Variants in RABGEF1 observed in about 807,000 individuals in gnomAD.
RABGEF1 encodes rab5 GDP/GTP exchange factor.
Under a neutral mutation model 57.3 loss-of-function variants are expected in RABGEF1, and 26 were observed. The observed-to-expected ratio is 0.45, with a 90% CI of 0.33 to 0.63. The LOEUF is 0.63. Ranked by LOEUF, RABGEF1 falls within the 20% of genes least tolerant of loss-of-function variation. The pLI, the probability that RABGEF1 is intolerant of heterozygous loss-of-function variation, is 0.02. For missense variants in RABGEF1, 464 were observed against 607.6 expected, an observed-to-expected ratio of 0.76 and a Z score of 2.48; for synonymous variants, 185 against 210.7, an observed-to-expected ratio of 0.88 and a Z score of 1.06.
chr7:66,769,472 T>G (rs557859162), intron 1 of RABGEF1, among the ~76,000 whole-genome samples: 4 of 152,338 alleles, frequency 2.6e-5, no homozygotes, highest in Admixed American at 1.3e-4. Context: ...TTAGTTAGGC[T>G]TCCACTCTGA....
At chr7:66,780,183 T>G (rs1288316456) in intron 3 of RABGEF1, among the ~76,000 whole-genome samples, 6 of 151,934 alleles carry the variant, frequency 3.9e-5, no homozygotes, top group Non-Finnish European at 8.8e-5. Flanking sequence ...GTCAGAGGAG[T>G]TGGTGTTCTT....
At chr7:66,719,866 C>T (rs1795809396) in intron 2 of RABGEF1, among the ~76,000 whole-genome samples, 1 of 152,172 alleles carries the variant, frequency 6.6e-6, no homozygotes, top group South Asian at 2.1e-4. Context: ...ATATGGCCTG[C>T]AAAGCCTCAC....
At chr7:66,742,005 G>T (rs1473164799) in intron 1 of RABGEF1, among the ~76,000 whole-genome samples, 3 of 151,856 alleles carry the variant, frequency 2.0e-5, no homozygotes, top group African/African-American at 7.3e-5. Flanking sequence ...AAGAAAATTT[G>T]CCGGGCATCG....
intron 1 of RABGEF1, among the ~76,000 whole-genome samples, chr7:66,709,708 G>A (rs1055383079): frequency 2.6e-5 from 4 of 152,164 alleles, no homozygotes; most frequent in Non-Finnish European, 5.9e-5. Flanking sequence ...CTGGGAGGTG[G>A]AGGTTGCAGT....
intron 3 of RABGEF1, among the ~76,000 whole-genome samples, chr7:66,778,509 A>G (rs1166006191): frequency 2.6e-5 from 4 of 152,212 alleles, no homozygotes; most frequent in Non-Finnish European, 4.4e-5. Flanking sequence ...CTTTTCTTTC[A>G]GAACTCCTAT....
At chr7:66,768,244 C>G (rs1806233110) in intron 1 of RABGEF1, among the ~76,000 whole-genome samples, 1 of 152,296 alleles carries the variant, frequency 6.6e-6, no homozygotes, top group South Asian at 2.1e-4. Context: ...TCGTCTTTCT[C>G]TTGTAAGGAT....
At chr7:66,675,746 C>A in the RABGEF1 span, among the ~76,000 whole-genome samples, 1 of 152,212 alleles carries the variant, frequency 6.6e-6, no homozygotes, top group African/African-American at 2.4e-5. Context: ...GATGCAAAAT[C>A]AACACACACA....
intron 1 of RABGEF1, among the ~76,000 whole-genome samples, chr7:66,742,853 T>A (rs1466483295): frequency 6.6e-6 from 1 of 152,162 alleles, no homozygotes; most frequent in Non-Finnish European, 1.5e-5. Flanking sequence ...GCAATCTTCC[T>A]GCCTCAAGCG....
chr7:66,739,430 G>A (rs533422051), upstream of RABGEF1, among the ~76,000 whole-genome samples: 169 of 150,992 alleles, frequency 1.1e-3, no homozygotes, highest in African/African-American at 3.8e-3. Context: ...CAAGGTGGGC[G>A]GATCACTTGA....
intron 2 of RABGEF1, among the ~76,000 whole-genome samples, chr7:66,713,816 G>T (rs77212439): frequency 0.028 from 4,239 of 152,280 alleles, 80 homozygotes; most frequent in Non-Finnish European, 0.044. Context: ...TTAAGAAATG[G>T]ATACATTGAT....
chr7:66,726,596 G>T (rs889320073), intron 2 of RABGEF1, among the ~76,000 whole-genome samples: 1 of 151,964 alleles, frequency 6.6e-6, no homozygotes, highest in Non-Finnish European at 1.5e-5. Context: ...ACTCCTGTTG[G>T]GCTCAAGTAA....
rs1789191818 is a variant in RABGEF1, at chr7:66,809,630, T to C, written c.*346T>C. On this transcript the variant is annotated 3_prime_UTR_variant, in exon 9 of 9. Transcript: ENST00000284957. ...TTAAACAAATGAATGCTACAAAGTG[T>C]ATGTTCAAGAAAATTAAATGGTACC... The C allele has an allele frequency of 5.6e-6, 1 of 177,904 alleles. No homozygotes were observed. Among genetic ancestry groups the C allele is most frequent in the Admixed American group, 6.0e-5 (1 of 16,564 alleles). 11.0% of individuals were successfully genotyped at this position (177,904 alleles called of 1,614,324 possible).
chr7:66,671,335 A>G, the RABGEF1 span, among the ~76,000 whole-genome samples: 2 of 152,076 alleles, frequency 1.3e-5, no homozygotes, highest in Admixed American at 6.6e-5. Context: ...ATGTGCCACC[A>G]CACCTGGCTA....
chr7:66,807,287 TAA>T (rs1425662840), intron 8 of RABGEF1, among the ~76,000 whole-genome samples: 1 of 152,192 alleles, frequency 6.6e-6, no homozygotes, highest in Non-Finnish European at 1.5e-5. Flanking sequence ...CTGGCAAAAG[TAA>T]AAAGTTTCCA....
At chr7:66,769,209 C>G (rs1806474918) in intron 1 of RABGEF1, among the ~76,000 whole-genome samples, 1 of 152,176 alleles carries the variant, frequency 6.6e-6, no homozygotes, top group Non-Finnish European at 1.5e-5. Flanking sequence ...CTGGTCTTCC[C>G]CACTTCTCCA....
At chr7:66,763,003 T>C (rs1037341329) in intron 1 of RABGEF1, among the ~76,000 whole-genome samples, 1 of 152,218 alleles carries the variant, frequency 6.6e-6, no homozygotes, top group Non-Finnish European at 1.5e-5. Flanking sequence ...ATTTATTTTT[T>C]ATTTTTATTT....
chr7:66,807,532 G>A (rs1223887305), intron 8 of RABGEF1, among the ~76,000 whole-genome samples: 1 of 152,180 alleles, frequency 6.6e-6, no homozygotes, highest in Admixed American at 6.5e-5. Context: ...TCACAGAGCT[G>A]TCACTCACTG....
At chr7:66,794,471 T>A (rs1813548811) in intron 4 of RABGEF1, among the ~76,000 whole-genome samples, 1 of 152,114 alleles carries the variant, frequency 6.6e-6, no homozygotes, top group Non-Finnish European at 1.5e-5. Context: ...TCTCTTGTGC[T>A]GAACTGCATT....
chr7:66,754,105 C>A (rs1015379275), intron 1 of RABGEF1, among the ~76,000 whole-genome samples: 33 of 149,198 alleles, frequency 2.2e-4, no homozygotes, highest in African/African-American at 7.6e-4. Flanking sequence ...TGGGTTCAAG[C>A]GATTCTCCTG....
Sources: allele counts gnomAD v4.1 joint callset (sites outside exome capture counted in the v4.1 genomes callset), GRCh38; gene constraint gnomAD v4.1.1; transcripts MANE v1.5; gene names NCBI Gene and HGNC (gene_info 2026-07-23, HGNC 2026-07-21).